Variants in NXPE2 observed in about 807,000 individuals in gnomAD.
NXPE2 encodes neurexophilin and PC-esterase domain family member 2, also known as NXPE family member 2.
NXPE2 carries 34 observed loss-of-function variants against 34.4 expected under a neutral mutation model. The observed-to-expected ratio is 0.99, with a 90% CI of 0.75 to 1.31. The LOEUF is 1.31. Ranked by LOEUF, NXPE2 falls within the 40% of genes most tolerant of loss-of-function variation. NXPE2 has a pLI of 0.00. For synonymous variants in NXPE2, 235 were observed against 231.3 expected, an observed-to-expected ratio of 1.02 and a Z score of -0.15; for missense variants, 649 against 672.5, an observed-to-expected ratio of 0.97 and a Z score of 0.39.
the NXPE2 span, among the ~76,000 whole-genome samples, chr11:114,663,242 G>A: frequency 6.6e-6 from 1 of 152,152 alleles, no homozygotes; most frequent in Non-Finnish European, 1.5e-5. Flanking sequence ...GGGGAGGACT[G>A]TGTCTTGTGG....
chr11:114,654,803 T>C, the NXPE2 span, among the ~76,000 whole-genome samples: 10 of 152,336 alleles, frequency 6.6e-5, no homozygotes, highest in Admixed American at 6.5e-4. Flanking sequence ...GTCTTTATAG[T>C]AGAATGATTT....
chr11:114,692,108 T>C (rs1951164140), intron 2 of NXPE2, among the ~76,000 whole-genome samples: 1 of 152,188 alleles, frequency 6.6e-6, no homozygotes, highest in Non-Finnish European at 1.5e-5. Flanking sequence ...CCTTCTGCCT[T>C]TCCAGAGCAA....
the NXPE2 span, among the ~76,000 whole-genome samples, chr11:114,759,572 A>G: frequency 6.6e-6 from 1 of 152,176 alleles, no homozygotes; most frequent in South Asian, 2.1e-4. Flanking sequence ...GATTGTATGT[A>G]TCTTAAACTT....
chr11:114,695,926 G>A (rs1231802786), intron 2 of NXPE2, among the ~76,000 whole-genome samples: 1 of 151,860 alleles, frequency 6.6e-6, no homozygotes, highest in African/African-American at 2.4e-5. Context: ...GCTGAGGCAG[G>A]AGAATTGCTT....
the NXPE2 span, among the ~76,000 whole-genome samples, chr11:114,813,047 C>T: frequency 1.4e-4 from 21 of 152,186 alleles, no homozygotes; most frequent in Non-Finnish European, 2.6e-4. Context: ...TCCCTCAACT[C>T]ATCCTTATTA....
At chr11:114,710,930 G>A (rs1859599616), downstream of NXPE2, among the ~76,000 whole-genome samples, 1 of 152,156 alleles carries the variant, frequency 6.6e-6, no homozygotes, top group African/African-American at 2.4e-5. Context: ...ATACAAGGAT[G>A]GCTCAACATA....
the NXPE2 span, among the ~76,000 whole-genome samples, chr11:114,721,983 G>T: frequency 2.6e-5 from 4 of 152,196 alleles, no homozygotes; most frequent in African/African-American, 9.7e-5. Flanking sequence ...AATGTGAGTT[G>T]TGATGTTTGA....
At chr11:114,682,801 A>G (rs759894974) in intron 2 of NXPE2, among the ~76,000 whole-genome samples, 11 of 152,010 alleles carry the variant, frequency 7.2e-5, no homozygotes, top group Admixed American at 1.3e-4. Context: ...TTAGACCTTT[A>G]AGAAAACATT....
At chr11:114,653,847 C>T in the NXPE2 span, among the ~76,000 whole-genome samples, 1 of 152,010 alleles carries the variant, frequency 6.6e-6, no homozygotes, top group Non-Finnish European at 1.5e-5. Flanking sequence ...TTCTTTTCTA[C>T]CTACCTCTAG....
At chr11:114,632,416 T>C in the NXPE2 span, among the ~76,000 whole-genome samples, 1 of 132,126 alleles carries the variant, frequency 7.6e-6, no homozygotes, top group Admixed American at 9.1e-5. Context: ...TATAATTTTA[T>C]ATAATATAAA....
the NXPE2 span, among the ~76,000 whole-genome samples, chr11:114,735,066 C>T: frequency 6.6e-6 from 1 of 152,134 alleles, no homozygotes; most frequent in East Asian, 1.9e-4. Flanking sequence ...GCTGAGATTG[C>T]ACCACTGCAC....
At chr11:114,609,484 G>C in the NXPE2 span, among the ~76,000 whole-genome samples, 1 of 151,816 alleles carries the variant, frequency 6.6e-6, no homozygotes, top group Non-Finnish European at 1.5e-5. Context: ...TGCCTCTAGG[G>C]TAACCATTGT....
At chr11:114,530,104 A>G in the NXPE2 span, 7 of 1,444,058 alleles carry the variant, frequency 4.8e-6, no homozygotes, top group East Asian at 6.8e-5. Flanking sequence ...CAATGTTGCA[A>G]TGGGCAATGT....
chr11:114,602,081 TTTA>T, the NXPE2 span, among the ~76,000 whole-genome samples: 1 of 97,518 alleles, frequency 1.0e-5, no homozygotes, highest in Non-Finnish European at 1.8e-5. Flanking sequence ...TATTCTATAT[TTTA>T]TTATATATAA....
chr11:114,766,954 C>A, the NXPE2 span, among the ~76,000 whole-genome samples: 1 of 151,942 alleles, frequency 6.6e-6, no homozygotes, highest in South Asian at 2.1e-4. Flanking sequence ...ATTCTCTTAC[C>A]CCAGGAAGAA....
the NXPE2 span, among the ~76,000 whole-genome samples, chr11:114,544,873 A>T: frequency 1.3e-5 from 2 of 152,180 alleles, no homozygotes; most frequent in African/African-American, 4.8e-5. Context: ...AAACTCAATA[A>T]TAAGAGAAAA....
At chr11:114,792,583 T>G in the NXPE2 span, among the ~76,000 whole-genome samples, 1 of 152,210 alleles carries the variant, frequency 6.6e-6, no homozygotes, top group Non-Finnish European at 1.5e-5. Flanking sequence ...TCAAGGGAAG[T>G]AGAAGCCATG....
At chr11:114,655,763 A>G in the NXPE2 span, among the ~76,000 whole-genome samples, 1 of 152,130 alleles carries the variant, frequency 6.6e-6, no homozygotes, top group Non-Finnish European at 1.5e-5. Flanking sequence ...TGTCAAGAAA[A>G]ACCTCTCAAC....
the NXPE2 span, among the ~76,000 whole-genome samples, chr11:114,501,034 T>C: frequency 1.3e-5 from 2 of 152,236 alleles, no homozygotes; most frequent in African/African-American, 4.8e-5. Flanking sequence ...AGGAATATGC[T>C]GACATCTTTA....
Sources: gnomAD v4.1 joint callset for allele counts (sites outside exome capture counted in the v4.1 genomes callset) on GRCh38, gnomAD v4.1.1 for gene constraint, MANE v1.5 for transcripts, NCBI Gene and HGNC (gene_info 2026-07-23, HGNC 2026-07-21) for gene names.